Variants in TP53INP2 observed in about 807,000 individuals in gnomAD.
The protein encoded by TP53INP2 is tumor protein p53 inducible nuclear protein 2, also known as tumor protein p53-inducible nuclear protein 2.
Under a neutral mutation model 17.1 loss-of-function variants are expected in TP53INP2, and 12 were observed. The observed-to-expected ratio is 0.70, with a 90% CI of 0.45 to 1.14. The LOEUF (loss-of-function observed/expected upper bound fraction) is 1.14, where lower values mean the gene tolerates loss of function less well. TP53INP2 is among the 50% of genes most tolerant of loss of function. The pLI, the probability that TP53INP2 is intolerant of heterozygous loss-of-function variation, is 0.00. For missense variants in TP53INP2, 342 were observed against 330.9 expected, an observed-to-expected ratio of 1.03 and a Z score of -0.26; for synonymous variants, 145 against 147.3, an observed-to-expected ratio of 0.98 and a Z score of 0.12.
Position 34,710,544 on chromosome 20 carries a change from C to T in TP53INP2, c.*237C>T, listed in dbSNP as rs1988162212. 1 of 386,086 alleles carries T rather than the reference C, an allele frequency of 2.6e-6. No individual in the cohort carries two copies. The highest frequency in any genetic ancestry group is 2.1e-5 in the African/African-American group (1 of 47,986). The allele number at this position is 386,086 out of a possible 1,614,324, so 23.9% of individuals were successfully genotyped here. ...ACCCAGCATCTAATCATCCATGCCC[C>T]CTACTCCTGGCCCCTCCATCCTTTC... On this transcript the variant is annotated 3_prime_UTR_variant, in exon 5 of 5. Transcript: ENST00000374810. This position sits in a 1 kb window ranked among gnomAD's most constrained non-coding sequence, Gnocchi z 4.9.
chr20:34,710,181 A>G lies in TP53INP2; in HGVS notation c.537A>G (p.Ala179=). 2 of 1,378,208 alleles carry G rather than the reference A, an allele frequency of 1.5e-6. No individual in the cohort carries two copies. The highest frequency in any genetic ancestry group is 1.9e-6 in the Non-Finnish European group (2 of 1,055,296). 85.4% of individuals were successfully genotyped at this position (1,378,208 alleles called of 1,614,324 possible). A position where few individuals can be genotyped will look rare whatever the true frequency, so the allele number is the denominator to read the frequency against. The part of the protein sequence containing the change: ...VRRLQRARQR[A]ERHALSAKAV... ...GGCTGCAGCGGGCCCGGCAGCGGGC[A>G]GAGCGCCACGCGCTGAGCGCCAAGG... Residue 179 remains alanine (A), a synonymous_variant, in exon 5 of 5, where the codon GCA becomes GCG. Coordinates refer to ENST00000374810, the MANE Select transcript of TP53INP2 (RefSeq NM_021202.3). The surrounding 1 kb of genome is among the most constrained non-coding windows in gnomAD (Gnocchi z 4.9).
At chr20:34,708,940 C>G (rs1198167984) in intron 3 of TP53INP2, 77 bp downstream of exon 3, 8 of 1,560,028 alleles carry the variant, frequency 5.1e-6, no homozygotes, top group Non-Finnish European at 6.1e-6. Context: ...GGGAAGGGCG[C>G]TGCTGGGGGA....
At position 34,708,724 on chromosome 20, in the gene TP53INP2, C is replaced by T; in HGVS notation, c.-16C>T. On this transcript the variant is annotated 5_prime_UTR_variant, in exon 3 of 5. Transcript: ENST00000374810. ...ACTGCCATAGGGCGCCCCCGTGAGG[C>T]GCTTCGCCCCCCACCATGTTCCAGC... is the stretch of plus-strand genomic sequence containing the variant. The T allele has an allele frequency of 6.4e-7, 1 of 1,563,238 alleles. No individual in the cohort carries two copies. Among genetic ancestry groups the T allele is most frequent in the Non-Finnish European group, 8.7e-7 (1 of 1,155,990 alleles).
intron 2 of TP53INP2, among the ~76,000 whole-genome samples, chr20:34,708,098 C>T (rs965526957): frequency 2.0e-5 from 3 of 152,160 alleles, no homozygotes; most frequent in African/African-American, 7.2e-5. Context: ...ACAATATGGG[C>T]AATTTCCTCC....
chr20:34,710,608 G>A lies in TP53INP2; in HGVS notation c.*301G>A, dbSNP rs1988164165. On this transcript the variant is annotated 3_prime_UTR_variant, in exon 5 of 5. Coordinates refer to ENST00000374810, the MANE Select transcript of TP53INP2 (RefSeq NM_021202.3). This position sits in a 1 kb window ranked among gnomAD's most constrained non-coding sequence, Gnocchi z 4.9. ...ATCCCTGTCTCTCCCTTTCACCCTT[G>A]CCCTCCAGTCCTCTACCTCTGGCCT... The A allele has an allele frequency of 3.4e-6, 1 of 291,066 alleles. No individual in the cohort carries two copies. Among genetic ancestry groups the A allele is most frequent in the Non-Finnish European group, 6.3e-6 (1 of 157,698 alleles). The allele number at this position is 291,066 out of a possible 1,614,324, so 18.0% of individuals were successfully genotyped here. A position where few individuals can be genotyped will look rare whatever the true frequency, so the allele number is the denominator to read the frequency against.
intron 2 of TP53INP2, among the ~76,000 whole-genome samples, chr20:34,706,193 C>CCT (rs1215279947): frequency 6.6e-6 from 1 of 152,112 alleles, no homozygotes; most frequent in African/African-American, 2.4e-5. Context: ...TCCCTGTACC[C>CCT]CTGCATCATT....
rs1988076638 is a variant in TP53INP2, at chr20:34,709,110, G to A, written c.125-126G>A. The stretch of plus-strand genomic sequence containing the variant: ...GTGGGTGCCCCGGGGCGCTGCGGAC[G>A]GGCTGCGGGTCTGACTAACGATGCC... On this transcript the variant is annotated intron_variant, in intron 3 of 4. Coordinates refer to ENST00000374810, the MANE Select transcript of TP53INP2 (RefSeq NM_021202.3). The surrounding 1 kb of genome is among the most constrained non-coding windows in gnomAD (Gnocchi z 5.4). 6.9e-7 allele frequency: 1 copy of A among 1,439,046 alleles called. No individual in the cohort carries two copies. Among genetic ancestry groups the A allele is most frequent in the Non-Finnish European group, 9.1e-7 (1 of 1,100,236 alleles). 89.1% of individuals were successfully genotyped at this position (1,439,046 alleles called of 1,614,324 possible).
rs1170425358 is a variant in TP53INP2, at chr20:34,712,457, T to G, written c.*2150T>G. The G allele has an allele frequency of 1.3e-5, 2 of 152,654 alleles. No homozygotes were observed. Among genetic ancestry groups the G allele is most frequent in the African/African-American group, 4.8e-5 (2 of 41,456 alleles). 9.5% of individuals were successfully genotyped at this position (152,654 alleles called of 1,614,324 possible). A position where few individuals can be genotyped will look rare whatever the true frequency, so the allele number is the denominator to read the frequency against. ...GTATTCTAGAACCCAATCTCTCACCTGCTTGGTTGCAAGGCTCATATTTTT... is the reference window on the plus strand; with the variant it reads ...GTATTCTAGAACCCAATCTCTCACCGGCTTGGTTGCAAGGCTCATATTTTT... On this transcript the variant is annotated 3_prime_UTR_variant, in exon 5 of 5. Coordinates refer to ENST00000374810, the MANE Select transcript of TP53INP2 (RefSeq NM_021202.3).
chr20:34,709,351 G>T lies in TP53INP2; in HGVS notation c.240G>T (p.Thr80=). 1 of 1,613,600 alleles carries T rather than the reference G, an allele frequency of 6.2e-7. No homozygotes were observed. ...TTGTTACCCCTCCCGCCTGTTTTAC[G>T]GCAGAGGGGCCTGGACTCGGTCCCG... The part of the protein sequence containing the change: ...SWFVTPPACF[T]AEGPGLGPAR... The change falls in exon 4 of 5, where the codon ACG becomes ACT. Residue 80 remains threonine, a synonymous_variant. Coordinates refer to ENST00000374810, the MANE Select transcript of TP53INP2 (RefSeq NM_021202.3). This position sits in a 1 kb window ranked among gnomAD's most constrained non-coding sequence, Gnocchi z 5.4.
chr20:34,710,074 C>A lies in TP53INP2; in HGVS notation c.430C>A (p.Arg144Ser). The stretch of plus-strand genomic sequence containing the variant: ...TCCTCACAGGGAATTGACGCCCGCC[C>A]GCCGCGAGCCGCGGGCCGCGCGCCA... ...DLSEGELTPA[R>S]REPRAARHAA... The change falls in exon 5 of 5, where the codon CGC (arginine) becomes AGC (serine). Residue 144 changes from arginine (R) to serine (S), a missense_variant. Physicochemically the swap from Arg to Ser is moderately radical, Grantham distance 110. Coordinates refer to ENST00000374810, the MANE Select transcript of TP53INP2 (RefSeq NM_021202.3). The surrounding 1 kb of genome is among the most constrained non-coding windows in gnomAD (Gnocchi z 4.9). 4.0e-6 allele frequency: 5 copies of A among 1,265,588 alleles called. No homozygotes were observed. The highest frequency in any genetic ancestry group is 4.0e-6 in the Non-Finnish European group (4 of 1,010,960). 78.4% of individuals were successfully genotyped at this position (1,265,588 alleles called of 1,614,324 possible).
rs933683906 is a variant in TP53INP2, at chr20:34,709,205, C to G, written c.125-31C>G. 6.5e-7 allele frequency: 1 copy of G among 1,529,500 alleles called. No individual in the cohort carries two copies. The highest frequency in any genetic ancestry group is 1.4e-5 in the African/African-American group (1 of 72,478). The allele number at this position is 1,529,500 out of a possible 1,614,324, so 94.7% of individuals were successfully genotyped here. A position where few individuals can be genotyped will look rare whatever the true frequency, so the allele number is the denominator to read the frequency against. ...TGTGTGCCTCCTCGCTGCTCCCCTC[C>G]TCTGCACGGCTCCCATCCCGCGCCC... On this transcript the variant is annotated intron_variant, in intron 3 of 4. Coordinates refer to ENST00000374810, the MANE Select transcript of TP53INP2 (RefSeq NM_021202.3). This position sits in a 1 kb window ranked among gnomAD's most constrained non-coding sequence, Gnocchi z 5.4.
Position 34,712,695 on chromosome 20 carries a change from C to T in TP53INP2, c.*2388C>T, listed in dbSNP as rs1304472158. The T allele has an allele frequency of 2.6e-5, 4 of 152,476 alleles. No individual in the cohort carries two copies. Among genetic ancestry groups the T allele is most frequent in the Non-Finnish European group, 4.4e-5 (3 of 68,058 alleles). The allele number at this position is 152,476 out of a possible 1,614,324, so 9.4% of individuals were successfully genotyped here. A position where few individuals can be genotyped will look rare whatever the true frequency, so the allele number is the denominator to read the frequency against. ...ACAGAACTTGAATACATGAGGGAAC[C>T]AGAGTTCAAAGTCCTATGCAACCTT... On this transcript the variant is annotated 3_prime_UTR_variant, in exon 5 of 5. Transcript: ENST00000374810.
At chr20:34,706,342 T>G (rs1294338058) in intron 2 of TP53INP2, among the ~76,000 whole-genome samples, 1 of 152,204 alleles carries the variant, frequency 6.6e-6, no homozygotes, top group African/African-American at 2.4e-5. Context: ...TTTCTGATCA[T>G]CAGATTTTAA....
At position 34,710,173 on chromosome 20, in the gene TP53INP2, C is replaced by T. The variant is rs779432765; in HGVS notation, c.529C>T (p.Gln177Ter). ...GGTGCGGCGGCTGCAGCGGGCCCGG[C>T]AGCGGGCAGAGCGCCACGCGCTGAG... Reference protein sequence around the residue: ...GQVRRLQRARQRAERHALSAK... With the variant: ...GQVRRLQRAR Residue 177 changes from glutamine (Q) to a stop codon, truncating the protein, a stop_gained, in exon 5 of 5, where the codon CAG becomes TAG. Coordinates refer to ENST00000374810, the MANE Select transcript of TP53INP2 (RefSeq NM_021202.3). LOFTEE classifies it high-confidence loss of function. The surrounding 1 kb of genome is among the most constrained non-coding windows in gnomAD (Gnocchi z 4.9). 1 of 1,334,722 alleles carries T rather than the reference C, an allele frequency of 7.5e-7. No individual in the cohort carries two copies. The highest frequency in any genetic ancestry group is 3.2e-5 in the Admixed American group (1 of 31,504). The allele number at this position is 1,334,722 out of a possible 1,614,324, so 82.7% of individuals were successfully genotyped here.
chr20:34,710,626 T>C lies in TP53INP2; in HGVS notation c.*319T>C. 1 of 262,874 alleles carries C rather than the reference T, an allele frequency of 3.8e-6. No homozygotes were observed. Among genetic ancestry groups the C allele is most frequent in the Non-Finnish European group, 7.2e-6 (1 of 139,424 alleles). 16.3% of individuals were successfully genotyped at this position (262,874 alleles called of 1,614,324 possible). A position where few individuals can be genotyped will look rare whatever the true frequency, so the allele number is the denominator to read the frequency against. ...CACCCTTGCCCTCCAGTCCTCTACC[T>C]CTGGCCTGCCCCTATTTCTGAAAGC... On this transcript the variant is annotated 3_prime_UTR_variant, in exon 5 of 5. Transcript: ENST00000374810. The surrounding 1 kb of genome is among the most constrained non-coding windows in gnomAD (Gnocchi z 4.9).
rs1417935326 is a variant in TP53INP2 at position 34,712,772 on chromosome 20, G to A, written c.*2465G>A. The A allele has an allele frequency of 6.6e-6, 1 of 152,576 alleles. No individual in the cohort carries two copies. Among genetic ancestry groups the A allele is most frequent in the Non-Finnish European group, 1.5e-5 (1 of 68,038 alleles). The allele number at this position is 152,576 out of a possible 1,614,324, so 9.5% of individuals were successfully genotyped here. ...ATTGATGTTTTCTGAGGCCCTAGAGGAGTTTGTATCAATTTGTGAGTATTA... is the reference window on the plus strand; with the variant it reads ...ATTGATGTTTTCTGAGGCCCTAGAGAAGTTTGTATCAATTTGTGAGTATTA... On this transcript the variant is annotated 3_prime_UTR_variant, in exon 5 of 5. Coordinates refer to ENST00000374810, the MANE Select transcript of TP53INP2 (RefSeq NM_021202.3).
intron 2 of TP53INP2, among the ~76,000 whole-genome samples, chr20:34,705,839 G>C (rs530484284): frequency 1.3e-5 from 2 of 152,140 alleles, no homozygotes; most frequent in Non-Finnish European, 2.9e-5. Flanking sequence ...AAAGGGAATG[G>C]TTCTCCCTGG....
rs566468158 is a variant in TP53INP2 at position 34,709,674 on chromosome 20, G to C, written c.413+150G>C. ...GGGAGGGTTGCCTTTGAGACAAAGT[G>C]GGGGGCCGGTGGGCCTCCGGGCGAG... On this transcript the variant is annotated intron_variant, in intron 4 of 4. Coordinates refer to ENST00000374810, the MANE Select transcript of TP53INP2 (RefSeq NM_021202.3). This position sits in a 1 kb window ranked among gnomAD's most constrained non-coding sequence, Gnocchi z 5.4. The C allele has an allele frequency of 7.5e-5, 108 of 1,432,140 alleles. No homozygotes were observed. Among genetic ancestry groups the C allele is most frequent in the African/African-American group, 1.3e-4 (9 of 69,310 alleles). The allele number at this position is 1,432,140 out of a possible 1,614,324, so 88.7% of individuals were successfully genotyped here. A position where few individuals can be genotyped will look rare whatever the true frequency, so the allele number is the denominator to read the frequency against.
rs1555807592 is a variant in TP53INP2 at position 34,710,008 on chromosome 20, C to CG, written c.414-50_414-49insG. On this transcript the variant is annotated intron_variant, in intron 4 of 4. Transcript: ENST00000374810. The surrounding 1 kb of genome is among the most constrained non-coding windows in gnomAD (Gnocchi z 4.9). ...GTGGGAGATGGCAGCGCCCTCTAGA[C>CG]CCCCCGCCCAGCTTACCCGGCTTGA... 18 of 1,265,928 alleles carry CG rather than the reference C, an allele frequency of 1.4e-5. No individual in the cohort carries two copies. The highest frequency in any genetic ancestry group is 7.8e-5 in the South Asian group (3 of 38,460). 78.4% of individuals were successfully genotyped at this position (1,265,928 alleles called of 1,614,324 possible). A position where few individuals can be genotyped will look rare whatever the true frequency, so the allele number is the denominator to read the frequency against.
Sources: gnomAD v4.1 joint callset for allele counts (sites outside exome capture counted in the v4.1 genomes callset) on GRCh38, gnomAD v4.1.1 for gene constraint, Gnocchi (gnomAD v3.1) non-coding constraint, MANE v1.5 for transcripts, NCBI Gene and HGNC (gene_info 2026-07-23, HGNC 2026-07-21) for gene names.